The following SLC5A4 variants were observed in gnomAD, a reference collection of about 807,000 sequenced individuals.
SLC5A4 encodes the protein solute carrier family 5 member 4, also known as probable glucose sensor protein SLC5A4.
In SLC5A4, 55 loss-of-function variants were observed where a neutral mutation model predicts 70.3. The ratio of observed to expected loss-of-function variants is 0.78; its 90% CI spans 0.63 to 0.98. The LOEUF is 0.98. SLC5A4 is among the 50% of genes least tolerant of loss of function. The pLI is 0.00. For synonymous variants in SLC5A4, 268 were observed against 305.7 expected (o/e 0.88, Z 1.29); for missense variants, 735 against 839.2 (o/e 0.88, Z 1.53).
At chr22:32,233,860 C>T (rs1268925281) in intron 8 of SLC5A4, among the ~76,000 whole-genome samples, 1 of 146,318 alleles carries the variant, frequency 6.8e-6, no homozygotes, top group Non-Finnish European at 1.5e-5. Context: ...ATTCCAGGAA[C>T]CAAAAAAAAA....
intron 5 of SLC5A4, among the ~76,000 whole-genome samples, chr22:32,239,532 A>ATT (rs1382803499): frequency 0.02 from 201 of 10,036 alleles, 9 homozygotes; most frequent in South Asian, 0.079. Flanking sequence ...ATATATATAT[A>ATT]TATATATATA....
At chr22:32,251,984 C>T in intron 2 of SLC5A4, 110 bp from the exon 3 acceptor site, 1 of 722,070 alleles carries the variant, frequency 1.4e-6, no homozygotes, top group Non-Finnish European at 2.4e-6. Flanking sequence ...AATCCCAGCA[C>T]TTTGGGAGGC....
chr22:32,329,229 G>A, the SLC5A4 span, among the ~76,000 whole-genome samples: 1 of 152,186 alleles, frequency 6.6e-6, no homozygotes, highest in Non-Finnish European at 1.5e-5. Flanking sequence ...GAGGACCCCA[G>A]GATGCACCAA....
chr22:32,287,535 T>C, the SLC5A4 span, among the ~76,000 whole-genome samples: 1 of 152,086 alleles, frequency 6.6e-6, no homozygotes, highest in African/African-American at 2.4e-5. Flanking sequence ...GCAAGTAATA[T>C]GTCTCTTCTA....
upstream of SLC5A4, among the ~76,000 whole-genome samples, chr22:32,259,259 A>G (rs996163008): frequency 6.6e-6 from 1 of 152,254 alleles, no homozygotes; most frequent in African/African-American, 2.4e-5. Flanking sequence ...AAGTCATGAA[A>G]GTAGACCACA....
the SLC5A4 span, among the ~76,000 whole-genome samples, chr22:32,291,846 A>G: frequency 7.2e-6 from 1 of 139,230 alleles, no homozygotes. Context: ...ATATATATGT[A>G]TGTATATATA....
chr22:32,346,996 C>T, the SLC5A4 span, among the ~76,000 whole-genome samples: 9 of 152,094 alleles, frequency 5.9e-5, no homozygotes, highest in African/African-American at 9.7e-5. Context: ...ATGAACTCAA[C>T]CACATTTACA....
Position 32,247,841 on chromosome 22 carries a change from T to C in SLC5A4, c.373-326A>G, listed in dbSNP as rs1418376906. Among the ~76,000 whole-genome samples, 3 of 152,344 alleles carry C rather than the reference T, an allele frequency of 2.0e-5. No individual in the cohort carries two copies. The South Asian group carries it at 6.2e-4, about 32-fold the overall frequency. On this transcript the variant is annotated intron_variant, in intron 4 of 14. Coordinates refer to ENST00000266086, the MANE Select transcript of SLC5A4 (RefSeq NM_014227.3). ...CTTAGTGCCTTGAATGCACCAAACA[T>C]AAGTGAAGTCATCATTCTCCTTGTC...
chr22:32,235,125 T>G, intron 7 of SLC5A4, 32 bp from the exon 8 acceptor site: 2 of 1,498,952 alleles, frequency 1.3e-6, no homozygotes, highest in Non-Finnish European at 1.9e-6. Flanking sequence ...ATGAGATGTC[T>G]TACTGAAATC....
chr22:32,300,597 G>A, the SLC5A4 span, among the ~76,000 whole-genome samples: 1 of 151,336 alleles, frequency 6.6e-6, no homozygotes, highest in African/African-American at 2.4e-5. Flanking sequence ...ACCTCAGATG[G>A]AAATGCAGAA....
chr22:32,260,802 G>A, the SLC5A4 span, among the ~76,000 whole-genome samples: 3 of 152,238 alleles, frequency 2.0e-5, no homozygotes, highest in Non-Finnish European at 1.5e-5. Context: ...GCTGGGCACA[G>A]TGGCTCATGC....
At chr22:32,297,755 A>G in the SLC5A4 span, among the ~76,000 whole-genome samples, 12 of 120,290 alleles carry the variant, frequency 1.0e-4, 1 homozygote, top group Non-Finnish European at 2.0e-4. Context: ...TAGGGTGTCA[A>G]TTTTGGATCT....
the SLC5A4 span, among the ~76,000 whole-genome samples, chr22:32,302,624 A>G: frequency 6.6e-6 from 1 of 152,224 alleles, no homozygotes; most frequent in South Asian, 2.1e-4. Context: ...CCAAAAACCA[A>G]TTTGGCAAAT....
chr22:32,311,653 T>G, the SLC5A4 span, among the ~76,000 whole-genome samples: 1 of 152,150 alleles, frequency 6.6e-6, no homozygotes, highest in Non-Finnish European at 1.5e-5. Flanking sequence ...TGTGTCTGTG[T>G]CTCCCACCAG....
At chr22:32,280,970 GTC>G in the SLC5A4 span, among the ~76,000 whole-genome samples, 2 of 152,136 alleles carry the variant, frequency 1.3e-5, no homozygotes, top group Non-Finnish European at 2.9e-5. Context: ...CTGAGCCCCA[GTC>G]TCTCAACAGT....
the SLC5A4 span, chr22:32,271,249 G>A: frequency 1.3e-6 from 1 of 794,282 alleles, no homozygotes; most frequent in Non-Finnish European, 2.2e-6. Context: ...GGGGCAGCGG[G>A]TCCTCATGGA....
At chr22:32,258,017 G>C (rs1045132825), upstream of SLC5A4, among the ~76,000 whole-genome samples, 1 of 149,040 alleles carries the variant, frequency 6.7e-6, no homozygotes, top group Non-Finnish European at 1.5e-5. Flanking sequence ...ACAGAGTCTT[G>C]CTCTGTTGCC....
the SLC5A4 span, among the ~76,000 whole-genome samples, chr22:32,334,434 T>C: frequency 6.6e-6 from 1 of 152,180 alleles, no homozygotes; most frequent in Non-Finnish European, 1.5e-5. Flanking sequence ...CTGTGGCTCC[T>C]GCCTGCACTA....
intron 6 of SLC5A4, among the ~76,000 whole-genome samples, chr22:32,238,443 G>GTTAATT (rs2145674286): frequency 6.6e-6 from 1 of 152,184 alleles, no homozygotes; most frequent in South Asian, 2.1e-4. Flanking sequence ...AACTCAGCTG[G>GTTAATT]TATACTTTAA....
Sources: allele counts gnomAD v4.1 joint callset (sites outside exome capture counted in the v4.1 genomes callset), GRCh38; gene constraint gnomAD v4.1.1; transcripts MANE v1.5; gene names NCBI Gene and HGNC (gene_info 2026-07-23, HGNC 2026-07-21).